The following PKHD1 variants were observed in gnomAD, a reference collection of about 807,000 sequenced individuals.
PKHD1 encodes the protein PKHD1 ciliary IPT domain containing fibrocystin/polyductin.
Under a neutral mutation model 412.0 loss-of-function variants are expected in PKHD1, and 291 were observed. The observed-to-expected ratio is 0.71, with a 90% CI of 0.64 to 0.78. The LOEUF is 0.78. Among genes scored for constraint, PKHD1 ranks in the 30% least tolerant of loss-of-function variants. The pLI, the probability that PKHD1 is intolerant of heterozygous loss-of-function variation, is 0.00. For missense variants in PKHD1, 4,825 were observed against 4,950.7 expected, an observed-to-expected ratio of 0.97 and a Z score of 0.76; for synonymous variants, 1,777 against 1,821.5, an observed-to-expected ratio of 0.98 and a Z score of 0.62.
chr6:51,769,941 T>C (rs73426082), intron 55 of PKHD1, among the ~76,000 whole-genome samples: 1,799 of 151,722 alleles, frequency 0.012, 35 homozygotes, highest in African/African-American at 0.041. Flanking sequence ...TTGTAAGAAA[T>C]TAAGATTGTT....
intron 52 of PKHD1, among the ~76,000 whole-genome samples, chr6:51,820,310 C>A (rs1361429894): frequency 6.6e-6 from 1 of 152,202 alleles, no homozygotes; most frequent in South Asian, 2.1e-4. Flanking sequence ...TACAGTCTGT[C>A]AGTCCATCTA....
Position 51,959,950 on chromosome 6 carries a change from C to T in PKHD1, c.5828G>A (p.Gly1943Asp), listed in dbSNP as rs756762577. 1.2e-6 allele frequency: 2 copies of T among 1,613,536 alleles called. No individual in the cohort carries two copies. The highest frequency in any genetic ancestry group is 1.7e-6 in the Non-Finnish European group (2 of 1,179,606). ...GCCATTCTCCACTGTGACGTTGTCGCCATCTTGTGGCAGCCTTTCAGGAAA... is the reference window on the plus strand; with the variant it reads ...GCCATTCTCCACTGTGACGTTGTCGTCATCTTGTGGCAGCCTTTCAGGAAA... ...SWFPERLPQD[G>D]DNVTVENGQL... The change falls in exon 36 of 67, where the codon GGC becomes GAC. Residue 1943 changes from glycine to aspartate, a missense_variant. By Grantham distance (94) the Gly-to-Asp change is moderately conservative (BLOSUM62 -1). Transcript: ENST00000371117.
At chr6:51,987,630 T>C (rs893421638) in intron 35 of PKHD1, among the ~76,000 whole-genome samples, 8 of 152,062 alleles carry the variant, frequency 5.3e-5, no homozygotes, top group African/African-American at 1.7e-4. Flanking sequence ...GAGGAAAATA[T>C]AGCCTCAGAA....
At chr6:52,032,751 C>G (rs1416812729) in intron 29 of PKHD1, among the ~76,000 whole-genome samples, 1 of 152,130 alleles carries the variant, frequency 6.6e-6, no homozygotes, top group Admixed American at 6.5e-5. Flanking sequence ...TTGACACTTA[C>G]TAAATGCTCA....
At chr6:51,912,249 C>A in intron 38 of PKHD1, 117 bp downstream of exon 38, 1 of 779,960 alleles carries the variant, frequency 1.3e-6, no homozygotes, top group Non-Finnish European at 2.3e-6. Context: ...AAATGTCTAC[C>A]ATTATTTAAG....
At chr6:51,782,794 G>A (rs1792241537) in intron 53 of PKHD1, among the ~76,000 whole-genome samples, 3 of 151,992 alleles carry the variant, frequency 2.0e-5, no homozygotes, top group African/African-American at 7.2e-5. Flanking sequence ...GCTGCTCAAT[G>A]GGTCTGACTA....
chr6:51,993,910 C>T (rs1165374632), intron 35 of PKHD1, among the ~76,000 whole-genome samples: 2 of 152,038 alleles, frequency 1.3e-5, no homozygotes, highest in Admixed American at 1.3e-4. Context: ...AATGACCTAG[C>T]CCAAAATTTC....
chr6:52,065,945 G>T, intron 12 of PKHD1, 31 bp downstream of exon 12: 1 of 1,022,620 alleles, frequency 9.8e-7, no homozygotes, highest in Non-Finnish European at 1.6e-6. Flanking sequence ...CTAAAACTAT[G>T]AACTATTTTC....
At chr6:51,804,700 C>T (rs1242506448) in intron 52 of PKHD1, among the ~76,000 whole-genome samples, 1 of 152,064 alleles carries the variant, frequency 6.6e-6, no homozygotes, top group Non-Finnish European at 1.5e-5. Flanking sequence ...AAAGAGTGAG[C>T]AGCAGTTAAC....
At chr6:52,065,084 T>C (rs759842672) in intron 12 of PKHD1, 34 bp from the exon 13 acceptor site, 1 of 1,004,324 alleles carries the variant, frequency 1.0e-6, no homozygotes, top group East Asian at 3.0e-5. Context: ...TGTATGTGTG[T>C]GTGTGTAGGT....
rs764140764 is a variant in PKHD1 at position 51,619,536 on chromosome 6, A to G, written c.11786-16T>C. The G allele has an allele frequency of 3.7e-6, 6 of 1,604,142 alleles. No individual in the cohort carries two copies. The Admixed American group carries it at 6.7e-5, about 18-fold the overall frequency. On this transcript the variant is annotated splice_polypyrimidine_tract_variant and intron_variant, in intron 66 of 66. Transcript: ENST00000371117. ...ATTCTCATATCTGGGGGGAAAAGAA[A>G]TAGGGGAAGAAATGGATTTAGTTTT...
intron 43 of PKHD1, among the ~76,000 whole-genome samples, chr6:51,900,377 A>C (rs1229074154): frequency 6.6e-6 from 1 of 152,222 alleles, no homozygotes. Context: ...CATATCTACA[A>C]CTATCTGATC....
chr6:51,718,776 G>A (rs1480165800), intron 60 of PKHD1, among the ~76,000 whole-genome samples: 1 of 152,096 alleles, frequency 6.6e-6, no homozygotes, highest in East Asian at 1.9e-4. Flanking sequence ...GCATGGAAAT[G>A]ACATTTAAAT....
At chr6:52,070,324 G>T in intron 10 of PKHD1, 82 bp downstream of exon 10, 1 of 904,352 alleles carries the variant, frequency 1.1e-6, no homozygotes, top group Non-Finnish European at 1.9e-6. Context: ...GTCATAAAAA[G>T]ATAAAGAAAG....
rs1232379592 is a variant in PKHD1, at chr6:52,056,995, CAGACA to C, written c.1513-21_1513-17del. 6.5e-7 allele frequency: 1 copy of C among 1,549,310 alleles called. No individual in the cohort carries two copies. Among genetic ancestry groups the C allele is most frequent in the East Asian group, 2.2e-5 (1 of 44,542 alleles). On this transcript the variant is annotated splice_polypyrimidine_tract_variant and intron_variant, in intron 16 of 66. Coordinates refer to ENST00000371117, the MANE Select transcript of PKHD1 (RefSeq NM_138694.4). The stretch of plus-strand genomic sequence containing the variant: ...CATTCAGCACCTAAAAAAGTCAAGA[CAGACA>C]AGACTAAATGATGGTGCTAATTAAG...
chr6:51,694,548 C>CTTTTTTTTT (rs67157925), intron 60 of PKHD1, among the ~76,000 whole-genome samples: 1 of 37,690 alleles, frequency 2.7e-5, no homozygotes, highest in African/African-American at 1.1e-4. Flanking sequence ...CACAACCAGC[C>CTTTTTTTTT]TTTTTTTTTT....
At chr6:51,625,038 AG>A (rs1241930985) in intron 66 of PKHD1, among the ~76,000 whole-genome samples, 1 of 152,182 alleles carries the variant, frequency 6.6e-6, no homozygotes, top group Non-Finnish European at 1.5e-5. Context: ...GTAAAATAGG[AG>A]GGATGTATAC....
At chr6:51,908,279 C>A (rs1379893239) in intron 40 of PKHD1, among the ~76,000 whole-genome samples, 2 of 152,120 alleles carry the variant, frequency 1.3e-5, no homozygotes, top group Admixed American at 6.6e-5. Flanking sequence ...TCTGGCAGTT[C>A]AGAATCCTGC....
At chr6:51,642,425 T>C (rs1382953969) in intron 63 of PKHD1, among the ~76,000 whole-genome samples, 12 of 151,968 alleles carry the variant, frequency 7.9e-5, no homozygotes, top group Admixed American at 7.9e-4. Flanking sequence ...AGACTATGGG[T>C]AAAGTATGGA....
Sources: allele counts gnomAD v4.1 joint callset (sites outside exome capture counted in the v4.1 genomes callset), GRCh38; gene constraint gnomAD v4.1.1; transcripts MANE v1.5; gene names NCBI Gene and HGNC (gene_info 2026-07-23, HGNC 2026-07-21).